Variants in KIF2A observed in about 807,000 individuals in gnomAD.
The protein encoded by KIF2A is kinesin-like protein KIF2A.
KIF2A carries 22 observed loss-of-function variants against 100.2 expected under a neutral mutation model. The ratio of observed to expected loss-of-function variants is 0.22; its 90% CI spans 0.16 to 0.31. The LOEUF is 0.31. Ranked by LOEUF, KIF2A falls within the 10% of genes least tolerant of loss-of-function variation. KIF2A has a pLI of 1.00. For missense variants in KIF2A, 495 were observed against 898.7 expected, an observed-to-expected ratio of 0.55 and a Z score of 5.74; for synonymous variants, 268 against 285.9, an observed-to-expected ratio of 0.94 and a Z score of 0.63.
intron 1 of KIF2A, among the ~76,000 whole-genome samples, chr5:62,317,709 A>G (rs1029044254): frequency 2.6e-5 from 4 of 152,178 alleles, no homozygotes; most frequent in Admixed American, 1.3e-4. Context: ...TATTAATCCA[A>G]CTAATATTTG....
intron 19 of KIF2A, among the ~76,000 whole-genome samples, chr5:62,379,953 G>A (rs1741706054): frequency 6.6e-6 from 1 of 152,110 alleles, no homozygotes; most frequent in Admixed American, 6.6e-5. Context: ...GTGCAATGGC[G>A]CGATCTCGGC....
Position 62,355,076 on chromosome 5 carries a change from T to C in KIF2A, c.559-83T>C. ...CTTGGTTATGACAAATGGCACAATT[T>C]AATTTTAATTTTCAAACCAAATATA... On this transcript the variant is annotated intron_variant, in intron 6 of 20. Transcript: ENST00000407818. 3 of 672,452 alleles carry C rather than the reference T, an allele frequency of 4.5e-6. No homozygotes were observed. In the South Asian group the frequency reaches 6.4e-5, roughly 14 times the overall value. 41.7% of individuals were successfully genotyped at this position (672,452 alleles called of 1,614,324 possible).
intron 18 of KIF2A, 137 bp from the exon 19 acceptor site, chr5:62,377,524 T>TTA (rs966109586): frequency 6.9e-6 from 3 of 436,298 alleles, no homozygotes; most frequent in African/African-American, 6.1e-5. Context: ...GCTTTGCCTT[T>TTA]TATATATATT....
rs1310811982 is a variant in KIF2A at position 62,306,533 on chromosome 5, G to A, written c.61G>A (p.Asp21Asn). The change falls in exon 1 of 21, where the codon GAT (aspartate) becomes AAT (asparagine). Residue 21 changes from aspartate (D) to asparagine (N), a missense_variant. By Grantham distance (23) the Asp-to-Asn change is conservative (BLOSUM62 1). Transcript: ENST00000407818. ...GATTTACGTGGAGATCAAGCGCAGC[G>A]ATGGTGAGCCGCGCTGCCAGCCCCG... is the stretch of plus-strand genomic sequence containing the variant. The part of the protein sequence containing the change: ...IGIYVEIKRS[D>N]GRIHQAMVTS... The A allele has an allele frequency of 1.3e-6, 2 of 1,545,626 alleles. No homozygotes were observed. The highest frequency in any genetic ancestry group is 2.0e-5 in the Admixed American group (1 of 50,600).
At chr5:62,340,110 T>G (rs140910343) in intron 1 of KIF2A, among the ~76,000 whole-genome samples, 1,798 of 152,038 alleles carry the variant, frequency 0.012, 31 homozygotes, top group African/African-American at 0.041. Flanking sequence ...TAATTTTTTG[T>G]GTTTTTAGTA....
At chr5:62,368,622 C>G (rs563477878) in intron 16 of KIF2A, among the ~76,000 whole-genome samples, 1 of 152,026 alleles carries the variant, frequency 6.6e-6, no homozygotes, top group Admixed American at 6.6e-5. Context: ...ATAAAAAATA[C>G]AAAAATTAGC....
intron 6 of KIF2A, among the ~76,000 whole-genome samples, 192 bp from the exon 7 acceptor site, chr5:62,354,967 C>A (rs1353371384): frequency 6.6e-6 from 1 of 152,046 alleles, no homozygotes; most frequent in African/African-American, 2.4e-5. Flanking sequence ...TTGTAAAACA[C>A]AATTTTACAA....
chr5:62,306,339 C>A lies in KIF2A; in HGVS notation c.-134C>A. 2.8e-6 allele frequency: 2 copies of A among 707,152 alleles called. No homozygotes were observed. The highest frequency in any genetic ancestry group is 3.6e-5 in the South Asian group (2 of 56,108). 43.8% of individuals were successfully genotyped at this position (707,152 alleles called of 1,614,324 possible). ...CAGCTGCTCCTTGCGGCCCCGCTTG[C>A]GTTCACGCTGTCGCCCGGGCCGGCG... On this transcript the variant is annotated 5_prime_UTR_variant, in exon 1 of 21. Transcript: ENST00000407818.
chr5:62,347,155 A>G lies in KIF2A; in HGVS notation c.90A>G (p.Thr30=), dbSNP rs1337875250. 1 of 1,603,818 alleles carries G rather than the reference A, an allele frequency of 6.2e-7. No individual in the cohort carries two copies. Among genetic ancestry groups the G allele is most frequent in the Admixed American group, 1.7e-5 (1 of 59,112 alleles). The change falls in exon 2 of 21, where the codon ACA becomes ACG. Residue 30 remains threonine (T), a synonymous_variant. Coordinates refer to ENST00000407818, the MANE Select transcript of KIF2A (RefSeq NM_001098511.3). ...GCCGAATACATCAAGCAATGGTAAC[A>G]TCTTTAAATGAAGATAATGAAAGTG... is the stretch of plus-strand genomic sequence containing the variant. ...SDGRIHQAMV[T]SLNEDNESVT... is the part of the protein sequence containing the mutation.
At chr5:62,313,887 A>G (rs1745676400) in intron 1 of KIF2A, among the ~76,000 whole-genome samples, 1 of 151,860 alleles carries the variant, frequency 6.6e-6, no homozygotes, top group Non-Finnish European at 1.5e-5. Context: ...CAAGTCCTGG[A>G]CTCAAGCAAT....
chr5:62,328,008 A>G (rs148228855), intron 1 of KIF2A, among the ~76,000 whole-genome samples: 2 of 152,342 alleles, frequency 1.3e-5, no homozygotes, highest in East Asian at 3.9e-4. Flanking sequence ...CTTTTGGGTA[A>G]ATAAGCCAGG....
intron 4 of KIF2A, among the ~76,000 whole-genome samples, chr5:62,350,925 A>C (rs901184555): frequency 1.7e-4 from 26 of 151,440 alleles, no homozygotes; most frequent in African/African-American, 6.1e-4. Flanking sequence ...AAAAAAAAAA[A>C]GATTTTTAAA....
chr5:62,306,814 C>T (rs1745308616), intron 1 of KIF2A: 2 of 435,484 alleles, frequency 4.6e-6, no homozygotes, highest in South Asian at 6.4e-5. Flanking sequence ...GGTCTCTGGG[C>T]GAGGGCCGCT....
At chr5:62,359,998 T>G (rs1043968195) in intron 9 of KIF2A, among the ~76,000 whole-genome samples, 14 of 151,862 alleles carry the variant, frequency 9.2e-5, no homozygotes, top group Middle Eastern at 3.4e-3. Context: ...TTTTTTTTTT[T>G]TTGTTTTTTT....
chr5:62,344,357 A>G (rs1747450970), intron 1 of KIF2A, among the ~76,000 whole-genome samples: 1 of 152,046 alleles, frequency 6.6e-6, no homozygotes, highest in African/African-American at 2.4e-5. Context: ...AAAAAAAAAA[A>G]AAAATGCAGA....
chr5:62,315,050 A>G (rs1402451798), intron 1 of KIF2A, among the ~76,000 whole-genome samples: 3 of 151,974 alleles, frequency 2.0e-5, no homozygotes, highest in Non-Finnish European at 4.4e-5. Flanking sequence ...GGTGTGAGCC[A>G]CTACACCCGG....
At chr5:62,331,719 CAT>C (rs929917892) in intron 1 of KIF2A, among the ~76,000 whole-genome samples, 57 of 143,688 alleles carry the variant, frequency 4.0e-4, no homozygotes, top group African/African-American at 1.3e-3. Flanking sequence ...TATGTATGGT[CAT>C]ATACCACAAT....
intron 9 of KIF2A, among the ~76,000 whole-genome samples, chr5:62,359,097 T>A (rs1307522673): frequency 6.6e-6 from 1 of 152,224 alleles, no homozygotes; most frequent in Admixed American, 6.5e-5. Flanking sequence ...GGAGATAGTT[T>A]TAGTACATGA....
chr5:62,319,132 G>T (rs1745976399), intron 1 of KIF2A, among the ~76,000 whole-genome samples: 1 of 151,318 alleles, frequency 6.6e-6, no homozygotes, highest in Non-Finnish European at 1.5e-5. Flanking sequence ...TTCCTAATAG[G>T]CCTCTCTACC....
Sources: allele counts gnomAD v4.1 joint callset (sites outside exome capture counted in the v4.1 genomes callset), GRCh38; gene constraint gnomAD v4.1.1; transcripts MANE v1.5; gene names NCBI Gene and HGNC (gene_info 2026-07-23, HGNC 2026-07-21).